SEMA5A: variants seen among roughly 807,000 people sequenced by gnomAD.
The protein encoded by SEMA5A is semaphorin-5A.
SEMA5A carries 55 observed loss-of-function variants against 135.5 expected under a neutral mutation model. The ratio of observed to expected loss-of-function variants is 0.41; its 90% CI spans 0.33 to 0.51. SEMA5A has a LOEUF of 0.51. Among genes scored for constraint, SEMA5A ranks in the 20% least tolerant of loss-of-function variants. SEMA5A has a pLI of 0.37. For missense variants in SEMA5A, 1,290 were observed against 1,419.9 expected, an observed-to-expected ratio of 0.91 and a Z score of 1.47; for synonymous variants, 580 against 546.5, an observed-to-expected ratio of 1.06 and a Z score of -0.85.
intron 1 of SEMA5A, among the ~76,000 whole-genome samples, chr5:9,538,269 G>A (rs543449633): frequency 1.7e-4 from 26 of 152,240 alleles, no homozygotes; most frequent in African/African-American, 5.8e-4. Context: ...CTCTAAGAGC[G>A]GGGCGGGGGG....
chr5:9,181,784 A>C (rs577366892), intron 11 of SEMA5A, among the ~76,000 whole-genome samples: 1 of 152,210 alleles, frequency 6.6e-6, no homozygotes, highest in Admixed American at 6.5e-5. Context: ...GACAGGTGCA[A>C]AACTGTCTGC....
At chr5:9,275,995 C>T (rs1422672138) in intron 5 of SEMA5A, among the ~76,000 whole-genome samples, 3 of 152,132 alleles carry the variant, frequency 2.0e-5, no homozygotes, top group Non-Finnish European at 4.4e-5. Flanking sequence ...AAAGGTTATT[C>T]AATTAGGAAA....
At chr5:9,416,385 C>T (rs148863635) in intron 2 of SEMA5A, among the ~76,000 whole-genome samples, 169 of 152,224 alleles carry the variant, frequency 1.1e-3, no homozygotes, top group African/African-American at 3.9e-3. Flanking sequence ...CCAAAGCCAT[C>T]GCCCATCAAA....
rs1207736152 is a variant in SEMA5A, at chr5:9,224,877, A to C, written c.443T>G (p.Leu148Arg). ...PVCTNRSLSN[L>R]TEIHDQISGM... ...ACTGATCTGATCATGGATCTCAGTC[A>C]GGTTGCTCAACTGTGGGGGAGGATG... The change falls in exon 8 of 23, where the codon CTG (leucine) becomes CGG (arginine). Residue 148 changes from leucine to arginine, a missense_variant. By Grantham distance (102) the Leu-to-Arg change is moderately radical. This residue lies in a region of SEMA5A where 145 missense variants were observed against 212.0 expected (regional missense o/e 0.68). Transcript: ENST00000382496. The C allele has an allele frequency of 6.2e-7, 1 of 1,612,484 alleles. No individual in the cohort carries two copies.
intron 5 of SEMA5A, among the ~76,000 whole-genome samples, chr5:9,294,277 A>C (rs1303360001): frequency 2.0e-5 from 3 of 152,208 alleles, no homozygotes; most frequent in African/African-American, 7.2e-5. Context: ...TTAAGCCTAC[A>C]GTATAAGCCC....
Position 9,154,486 on chromosome 5 carries a change from A to G in SEMA5A, c.1481+2T>C. 1 of 1,611,810 alleles carries G rather than the reference A, an allele frequency of 6.2e-7. No individual in the cohort carries two copies. Among genetic ancestry groups the G allele is most frequent in the Non-Finnish European group, 8.5e-7 (1 of 1,179,848 alleles). On this transcript the variant is annotated splice_donor_variant, in intron 12 of 22. Transcript: ENST00000382496. LOFTEE classifies it high-confidence loss of function. ...TGCATCCTGACCCCGGAGATGCCCTACCTGCGTGTGCGGTAGAACTGGCAC... is the reference window on the plus strand; with the variant it reads ...TGCATCCTGACCCCGGAGATGCCCTGCCTGCGTGTGCGGTAGAACTGGCAC...
At chr5:9,059,766 T>C (rs1337226573) in intron 18 of SEMA5A, among the ~76,000 whole-genome samples, 1 of 152,132 alleles carries the variant, frequency 6.6e-6, no homozygotes, top group Non-Finnish European at 1.5e-5. Flanking sequence ...GCCAGGCTGG[T>C]CTCAAACTCC....
intron 1 of SEMA5A, among the ~76,000 whole-genome samples, chr5:9,479,595 T>A (rs922302931): frequency 6.6e-6 from 1 of 152,174 alleles, no homozygotes; most frequent in Admixed American, 6.5e-5. Flanking sequence ...GCCCTGGACT[T>A]AATACAATCC....
At chr5:9,523,909 T>C (rs1736972971) in intron 1 of SEMA5A, among the ~76,000 whole-genome samples, 1 of 149,224 alleles carries the variant, frequency 6.7e-6, no homozygotes, top group Non-Finnish European at 1.5e-5. Flanking sequence ...GTTATCACTA[T>C]GTTATAGAGC....
chr5:9,292,443 T>C (rs1003701545), intron 5 of SEMA5A, among the ~76,000 whole-genome samples: 2 of 152,166 alleles, frequency 1.3e-5, no homozygotes, highest in East Asian at 1.9e-4. Flanking sequence ...ACCCAGTAAG[T>C]TGAGGCAGTG....
At chr5:9,452,021 T>A (rs1758663528) in intron 1 of SEMA5A, among the ~76,000 whole-genome samples, 1 of 152,200 alleles carries the variant, frequency 6.6e-6, no homozygotes, top group Non-Finnish European at 1.5e-5. Flanking sequence ...TGATGTTACA[T>A]AATAAACTCT....
intron 2 of SEMA5A, among the ~76,000 whole-genome samples, chr5:9,398,376 T>C (rs1436452883): frequency 1.3e-5 from 2 of 152,114 alleles, no homozygotes; most frequent in Non-Finnish European, 2.9e-5. Flanking sequence ...ATCTTGAGAG[T>C]TTCCCCCACA....
chr5:9,139,072 C>CT (rs1184393962), intron 12 of SEMA5A, among the ~76,000 whole-genome samples: 1 of 152,104 alleles, frequency 6.6e-6, no homozygotes, highest in East Asian at 1.9e-4. Flanking sequence ...GTGCAAGTGC[C>CT]TTTTTTCATA....
chr5:9,442,251 T>C (rs1324761205), intron 1 of SEMA5A, among the ~76,000 whole-genome samples: 2 of 152,240 alleles, frequency 1.3e-5, no homozygotes, highest in Non-Finnish European at 2.9e-5. Flanking sequence ...CTCTCTGGAT[T>C]AGTCTGGCCA....
intron 13 of SEMA5A, among the ~76,000 whole-genome samples, chr5:9,127,259 A>T (rs908623553): frequency 5.9e-5 from 9 of 152,190 alleles, no homozygotes; most frequent in Admixed American, 3.3e-4. Context: ...TCAGGTTGGG[A>T]TGCTATGGAG....
intron 16 of SEMA5A, among the ~76,000 whole-genome samples, chr5:9,088,008 C>A (rs1738797352): frequency 6.6e-6 from 1 of 152,138 alleles, no homozygotes; most frequent in Non-Finnish European, 1.5e-5. Context: ...AAGACAGTGG[C>A]CGGGCGTGGT....
At chr5:9,403,211 C>G (rs897132585) in intron 2 of SEMA5A, among the ~76,000 whole-genome samples, 1 of 152,090 alleles carries the variant, frequency 6.6e-6, no homozygotes, top group Non-Finnish European at 1.5e-5. Flanking sequence ...TTGTATATAC[C>G]CCTTATTATT....
At chr5:9,327,088 A>G (rs910625332) in intron 4 of SEMA5A, among the ~76,000 whole-genome samples, 9 of 152,182 alleles carry the variant, frequency 5.9e-5, no homozygotes, top group Non-Finnish European at 1.5e-5. Context: ...GGTTTCTCAG[A>G]AGATAATTAA....
intron 5 of SEMA5A, among the ~76,000 whole-genome samples, chr5:9,250,443 G>A (rs1748714510): frequency 6.6e-6 from 1 of 152,030 alleles, no homozygotes; most frequent in Admixed American, 6.6e-5. Context: ...CTACCTATAC[G>A]ATCCTGTTTA....
Sources: gnomAD v4.1 joint callset for allele counts (sites outside exome capture counted in the v4.1 genomes callset) on GRCh38, gnomAD v4.1.1 for gene constraint, gnomAD v4.1.1 regional missense constraint, MANE v1.5 for transcripts, NCBI Gene and HGNC (gene_info 2026-07-23, HGNC 2026-07-21) for gene names.